Variants in FNIP1 observed in about 807,000 individuals in gnomAD.
FNIP1 encodes folliculin-interacting protein 1.
A neutral mutation model predicts 124.5 loss-of-function variants in FNIP1; 40 were observed. The observed-to-expected ratio is 0.32, with a 90% CI of 0.25 to 0.42. The LOEUF is 0.42. FNIP1 is among the 10% of genes least tolerant of loss of function. The pLI is 1.00. For missense variants in FNIP1, 1,176 were observed against 1,403.7 expected, an observed-to-expected ratio of 0.84 and a Z score of 2.59; for synonymous variants, 472 against 470.6, an observed-to-expected ratio of 1.00 and a Z score of -0.04.
At chr5:131,746,975 T>C (rs1300314843) in intron 1 of FNIP1, among the ~76,000 whole-genome samples, 1 of 152,184 alleles carries the variant, frequency 6.6e-6, no homozygotes, top group African/African-American at 2.4e-5. Context: ...CCAATCTGAT[T>C]GATGTGAGAT....
chr5:131,731,390 C>G (rs1315209079), intron 2 of FNIP1, among the ~76,000 whole-genome samples: 1 of 152,140 alleles, frequency 6.6e-6, no homozygotes, highest in Non-Finnish European at 1.5e-5. Flanking sequence ...CTTGGTGGCT[C>G]ATACCTGTAA....
At position 131,677,869 on chromosome 5, in the gene FNIP1, G is replaced by A. The variant is rs982635306; in HGVS notation, c.1353C>T (p.Phe451=). Residue 451 remains phenylalanine, a synonymous_variant, in exon 13 of 18, where the codon TTC becomes TTT. Transcript: ENST00000510461. ...FLMENASKNQ[F]LPALITAVLT... ...GAACTGCAGTAATGAGAGCTGGCAA[G>A]AATCTGAAAACAAAATACATCTGAT... The A allele has an allele frequency of 6.2e-7, 1 of 1,612,532 alleles. No individual in the cohort carries two copies. The highest frequency in any genetic ancestry group is 8.5e-7 in the Non-Finnish European group (1 of 1,179,118).
At position 131,647,184 on chromosome 5, in the gene FNIP1, G is replaced by A. The variant is rs1338989741; in HGVS notation, c.3328C>T (p.Arg1110Trp). The change falls in exon 17 of 18, where the codon CGG becomes TGG. Residue 1110 changes from arginine (R) to tryptophan (W), a missense_variant. Arg to Trp is a moderately radical substitution (Grantham distance 101). Around this residue, in one of 2 missense-constraint regions of FNIP1, gnomAD observed 67 missense variants for 115.2 expected, o/e 0.58. Coordinates refer to ENST00000510461, the MANE Select transcript of FNIP1 (RefSeq NM_133372.3). ...CTTTTGAAGTATAGCTCCTGCAACC[G>A]GTCTTCAAGATGCATTACACACTGC... ...PNFCVMHLED[R>W]LQELYFKSKM... is the part of the protein sequence containing the mutation. 7.4e-6 allele frequency: 12 copies of A among 1,613,868 alleles called. No homozygotes were observed. Among genetic ancestry groups the A allele is most frequent in the Admixed American group, 1.7e-5 (1 of 59,986 alleles).
intron 12 of FNIP1, among the ~76,000 whole-genome samples, chr5:131,678,414 G>C (rs1037346350): frequency 2.6e-5 from 4 of 151,418 alleles, no homozygotes; most frequent in Non-Finnish European, 4.4e-5. Context: ...TGTTTTTTTT[G>C]TTTGTTTGTT....
At chr5:131,651,458 A>G (rs1433282027) in intron 16 of FNIP1, among the ~76,000 whole-genome samples, 1 of 152,192 alleles carries the variant, frequency 6.6e-6, no homozygotes, top group East Asian at 1.9e-4. Flanking sequence ...TCCAAGACCA[A>G]GGTGCAAGCA....
At chr5:131,756,662 T>C (rs1054231419) in intron 1 of FNIP1, among the ~76,000 whole-genome samples, 3 of 152,200 alleles carry the variant, frequency 2.0e-5, no homozygotes, top group African/African-American at 7.2e-5. Flanking sequence ...TGAAAATTAC[T>C]GCAGGTAAGT....
At chr5:131,731,965 T>C (rs1770108989) in intron 2 of FNIP1, among the ~76,000 whole-genome samples, 1 of 152,230 alleles carries the variant, frequency 6.6e-6, no homozygotes, top group African/African-American at 2.4e-5. Context: ...AATATACTAA[T>C]GTAATAAATA....
At chr5:131,721,537 G>A (rs967282361) in intron 3 of FNIP1, among the ~76,000 whole-genome samples, 3 of 151,982 alleles carry the variant, frequency 2.0e-5, no homozygotes, top group South Asian at 2.1e-4. Flanking sequence ...GGTGGATCAC[G>A]CTTGTAATAC....
At chr5:131,739,812 CAAA>C (rs60928249) in intron 2 of FNIP1, among the ~76,000 whole-genome samples, 1 of 31,380 alleles carries the variant, frequency 3.2e-5, no homozygotes, top group Non-Finnish European at 7.3e-5. Flanking sequence ...GACTCCAGCT[CAAA>C]AAAAAAAAAA....
intron 1 of FNIP1, among the ~76,000 whole-genome samples, chr5:131,759,358 A>G (rs978152948): frequency 6.6e-6 from 1 of 152,226 alleles, no homozygotes; most frequent in African/African-American, 2.4e-5. Context: ...TGCATCTGAC[A>G]AAGGTCTAAT....
chr5:131,790,478 C>CAAAAAAAAAAAAAAAAAAAAAAA, intron 1 of FNIP1, among the ~76,000 whole-genome samples: 1 of 70,558 alleles, frequency 1.4e-5, no homozygotes, highest in Non-Finnish European at 2.8e-5. Flanking sequence ...GAACCTGTCT[C>CAAAAAAAAAAAAAAAAAAAAAAA]AAAAAAAAAA....
intron 1 of FNIP1, among the ~76,000 whole-genome samples, chr5:131,760,326 T>G (rs1771185042): frequency 6.6e-6 from 1 of 152,180 alleles, no homozygotes; most frequent in Non-Finnish European, 1.5e-5. Flanking sequence ...TGAGAAATAC[T>G]GGGCTAAACA....
chr5:131,764,510 G>A (rs929269847), intron 1 of FNIP1, among the ~76,000 whole-genome samples: 2 of 151,806 alleles, frequency 1.3e-5, no homozygotes, highest in Admixed American at 1.3e-4. Flanking sequence ...TCGCCATGTT[G>A]CCCAGGCTCA....
Position 131,704,062 on chromosome 5 carries a change from T to C in FNIP1, c.1116+3A>G, listed in dbSNP as rs1380032832. On this transcript the variant is annotated splice_donor_region_variant and intron_variant, in intron 10 of 17. Transcript: ENST00000510461. ...AAATACATAAATAAATAACTATGCTTACCTGTTCTATTGCACTCTTTAATT... is the reference window on the plus strand; with the variant it reads ...AAATACATAAATAAATAACTATGCTCACCTGTTCTATTGCACTCTTTAATT... The C allele has an allele frequency of 3.8e-6, 6 of 1,594,876 alleles. 1 individual carries two copies. The South Asian group carries it at 5.6e-5, about 15-fold the overall frequency.
At chr5:131,666,946 T>C (rs1767620974) in intron 15 of FNIP1, among the ~76,000 whole-genome samples, 1 of 152,130 alleles carries the variant, frequency 6.6e-6, no homozygotes, top group African/African-American at 2.4e-5. Context: ...TAAGAATGCA[T>C]TAGAAGACAC....
At chr5:131,699,651 C>T (rs965713115) in intron 10 of FNIP1, among the ~76,000 whole-genome samples, 4 of 151,980 alleles carry the variant, frequency 2.6e-5, no homozygotes, top group Non-Finnish European at 5.9e-5. Context: ...CTCAGCCTCC[C>T]AAAGTGCTGG....
intron 1 of FNIP1, among the ~76,000 whole-genome samples, chr5:131,772,243 G>A (rs947149418): frequency 1.3e-5 from 2 of 152,056 alleles, no homozygotes; most frequent in Non-Finnish European, 2.9e-5. Flanking sequence ...CCAGGGGCTC[G>A]ATGTGGGGGA....
At position 131,644,185 on chromosome 5, in the gene FNIP1, G is replaced by A. The variant is rs1766800771; in HGVS notation, c.*500C>T. 6.6e-6 allele frequency: 1 copy of A among 152,484 alleles called. No individual in the cohort carries two copies. The highest frequency in any genetic ancestry group is 2.4e-5 in the African/African-American group (1 of 41,420). 9.4% of individuals were successfully genotyped at this position (152,484 alleles called of 1,614,324 possible). On this transcript the variant is annotated 3_prime_UTR_variant, in exon 18 of 18. Coordinates refer to ENST00000510461, the MANE Select transcript of FNIP1 (RefSeq NM_133372.3). ...CTGAGTTTCTTATAATTAACAGGCTGTTTAAAATACTTACTTTGAGAAATA... is the reference window on the plus strand; with the variant it reads ...CTGAGTTTCTTATAATTAACAGGCTATTTAAAATACTTACTTTGAGAAATA...
chr5:131,786,756 G>A (rs1302988718), intron 1 of FNIP1, among the ~76,000 whole-genome samples: 2 of 152,158 alleles, frequency 1.3e-5, no homozygotes, highest in Non-Finnish European at 2.9e-5. Flanking sequence ...GCTCTCACCC[G>A]CATTTTCTCT....
Sources: gnomAD v4.1 joint callset for allele counts (sites outside exome capture counted in the v4.1 genomes callset) on GRCh38, gnomAD v4.1.1 for gene constraint, gnomAD v4.1.1 regional missense constraint, MANE v1.5 for transcripts, NCBI Gene and HGNC (gene_info 2026-07-23, HGNC 2026-07-21) for gene names.